TTL: variants seen among roughly 807,000 people sequenced by gnomAD.
TTL encodes tubulin--tyrosine ligase.
Under a neutral mutation model 41.1 loss-of-function variants are expected in TTL, and 10 were observed. That is an observed-to-expected ratio of 0.24 (90% CI 0.15 to 0.41). TTL has a LOEUF of 0.41. Among genes scored for constraint, TTL ranks in the 10% least tolerant of loss-of-function variants. TTL has a pLI of 1.00. For synonymous variants in TTL, 175 were observed against 175.5 expected (o/e 1.00, Z 0.02); for missense variants, 367 against 460.4 (o/e 0.80, Z 1.86).
chr2:112,482,381 G>A lies in TTL; in HGVS notation c.37G>A (p.Val13Ile). Reference protein sequence around the residue: ...TFVVRDENSSVYAEVSRLLLA... With the variant: ...TFVVRDENSSIYAEVSRLLLA... ...CGTGGTACGCGATGAGAACAGCAGC[G>A]TCTACGCCGAGGTCTCCCGGCTGCT... The change falls in exon 1 of 7, where the codon GTC becomes ATC. Residue 13 changes from valine to isoleucine, a missense_variant. Coordinates refer to ENST00000233336, the MANE Select transcript of TTL (RefSeq NM_153712.5). The surrounding 1 kb of genome is among the most constrained non-coding windows in gnomAD (Gnocchi z 5.3). The A allele has an allele frequency of 6.3e-7, 1 of 1,588,116 alleles. No individual in the cohort carries two copies. The highest frequency in any genetic ancestry group is 2.3e-5 in the East Asian group (1 of 43,774).
At chr2:112,524,557 T>C (rs974712024) in intron 6 of TTL, among the ~76,000 whole-genome samples, 6 of 152,224 alleles carry the variant, frequency 3.9e-5, no homozygotes, top group Admixed American at 3.9e-4. Flanking sequence ...GATGAGCATT[T>C]TTTCATGTGT....
intron 5 of TTL, among the ~76,000 whole-genome samples, chr2:112,511,939 G>A (rs1681930204): frequency 6.6e-6 from 1 of 151,674 alleles, no homozygotes; most frequent in African/African-American, 2.4e-5. Flanking sequence ...ATGTTTCCAT[G>A]GTATGTCTCC....
At chr2:112,486,555 A>G (rs989633432) in intron 2 of TTL, among the ~76,000 whole-genome samples, 1 of 152,218 alleles carries the variant, frequency 6.6e-6, no homozygotes, top group African/African-American at 2.4e-5. Context: ...TCCCTCAGAA[A>G]GGATATCTGG....
chr2:112,482,328 G>T lies in TTL; in HGVS notation c.-17G>T. ...CTGCGGCGGCTGCCCGGCGGCCCGG[G>T]CGCGCGGCGCTTCGCCATGTACACC... On this transcript the variant is annotated 5_prime_UTR_variant, in exon 1 of 7. Transcript: ENST00000233336. The surrounding 1 kb of genome is among the most constrained non-coding windows in gnomAD (Gnocchi z 5.3). 1 of 1,489,626 alleles carries T rather than the reference G, an allele frequency of 6.7e-7. No individual in the cohort carries two copies. The highest frequency in any genetic ancestry group is 1.2e-5 in the South Asian group (1 of 80,304). The allele number at this position is 1,489,626 out of a possible 1,614,324, so 92.3% of individuals were successfully genotyped here. A position where few individuals can be genotyped will look rare whatever the true frequency, so the allele number is the denominator to read the frequency against.
chr2:112,528,741 A>G lies in TTL; in HGVS notation c.1080A>G (p.Pro360=), dbSNP rs746798177. 31 of 1,613,880 alleles carry G rather than the reference A, an allele frequency of 1.9e-5. 1 individual carries two copies. The highest frequency in any genetic ancestry group is 5.5e-5 in the South Asian group (5 of 91,078). Residue 360 remains proline, a synonymous_variant, in exon 7 of 7, where the codon CCA becomes CCG. Coordinates refer to ENST00000233336, the MANE Select transcript of TTL (RefSeq NM_153712.5). The part of the protein sequence containing the change: ...IVDIAISSVF[P]PPDVEQPQTQ... ...ACATAGCCATTTCCAGTGTCTTCCC[A>G]CCCCCAGATGTGGAGCAACCTCAGA...
At chr2:112,483,979 A>G (rs992265445) in intron 1 of TTL, 3 of 152,200 alleles carry the variant, frequency 2.0e-5, no homozygotes, top group Non-Finnish European at 4.4e-5. Context: ...TGTTCCTTGC[A>G]TTGTCCACTT....
intron 6 of TTL, among the ~76,000 whole-genome samples, chr2:112,521,976 A>G (rs972149957): frequency 1.3e-5 from 2 of 152,160 alleles, no homozygotes; most frequent in African/African-American, 2.4e-5. Context: ...TGGTGTGCCC[A>G]GTCTCACCCA....
intron 5 of TTL, 151 bp downstream of exon 5, chr2:112,503,332 G>C (rs139091536): frequency 9.8e-6 from 6 of 615,024 alleles, no homozygotes; most frequent in African/African-American, 9.3e-5. Flanking sequence ...ATGTCTGCAG[G>C]TTCTGTAATG....
chr2:112,523,727 C>T (rs1308862681), intron 6 of TTL, among the ~76,000 whole-genome samples: 4 of 151,826 alleles, frequency 2.6e-5, no homozygotes, highest in East Asian at 1.9e-4. Context: ...GCTTTATCTT[C>T]GTGCAAAGGC....
chr2:112,507,597 T>C lies in TTL; in HGVS notation c.875+4416T>C, dbSNP rs1043093015. ...GGCCTTCTTTGTCTCTTTTGATCTT[T>C]GTTGATTTAAAGTCTGTTTTATCAG... On this transcript the variant is annotated intron_variant, in intron 5 of 6. Coordinates refer to ENST00000233336, the MANE Select transcript of TTL (RefSeq NM_153712.5). Among the ~76,000 whole-genome samples the C allele has an allele frequency of 4.7e-4, 56 of 119,506 alleles. 6 individuals are homozygous for C. The East Asian group carries it at 0.013, about 28-fold the overall frequency. The allele number at this position is 119,506 out of a possible 152,430, so 78.4% of individuals were successfully genotyped here.
intron 1 of TTL, among the ~76,000 whole-genome samples, chr2:112,484,492 T>G (rs1254021501): frequency 6.6e-6 from 1 of 152,096 alleles, no homozygotes; most frequent in Non-Finnish European, 1.5e-5. Context: ...CTCGAACTCC[T>G]GACCTCAGGT....
intron 5 of TTL, among the ~76,000 whole-genome samples, chr2:112,512,003 A>G (rs1470438649): frequency 6.6e-6 from 1 of 150,984 alleles, no homozygotes; most frequent in Non-Finnish European, 1.5e-5. Flanking sequence ...ATTCTATTCT[A>G]TACTGTCCCT....
Position 112,499,219 on chromosome 2 carries a change from G to A in TTL, c.470-1987G>A, listed in dbSNP as rs569677276. Among the ~76,000 whole-genome samples the A allele has an allele frequency of 2.0e-5, 3 of 152,268 alleles. No homozygotes were observed. In the South Asian group the frequency reaches 6.2e-4, roughly 32 times the overall value. On this transcript the variant is annotated intron_variant, in intron 3 of 6. Coordinates refer to ENST00000233336, the MANE Select transcript of TTL (RefSeq NM_153712.5). ...ACTTTCAGCTACTCGGGAGGCTGAG[G>A]CATGAGAATTGCTTGAACCAGGGGG... is the stretch of plus-strand genomic sequence containing the variant.
In TTL at chr2:112,532,083, G is replaced by T. The variant is rs1682521453; in HGVS notation, c.*3288G>T. On this transcript the variant is annotated 3_prime_UTR_variant, in exon 7 of 7. Transcript: ENST00000233336. ...GTGTCACTAGCTCTGTGGGATGATTGCCACATACATGGAACACCTGGGAGT... is the reference window on the plus strand; with the variant it reads ...GTGTCACTAGCTCTGTGGGATGATTTCCACATACATGGAACACCTGGGAGT... 1 of 227,180 alleles carries T rather than the reference G, an allele frequency of 4.4e-6. No homozygotes were observed. Among genetic ancestry groups the T allele is most frequent in the Non-Finnish European group, 8.7e-6 (1 of 114,382 alleles). The allele number at this position is 227,180 out of a possible 1,614,324, so 14.1% of individuals were successfully genotyped here.
At chr2:112,493,441 A>G (rs1414999502) in intron 2 of TTL, among the ~76,000 whole-genome samples, 6 of 152,000 alleles carry the variant, frequency 3.9e-5, no homozygotes, top group African/African-American at 1.2e-4. Context: ...TTACTTCTCC[A>G]TGACCCAGTT....
At chr2:112,509,908 A>G (rs952050628) in intron 5 of TTL, among the ~76,000 whole-genome samples, 1 of 152,334 alleles carries the variant, frequency 6.6e-6, no homozygotes, top group African/African-American at 2.4e-5. Flanking sequence ...TGCTGGGATT[A>G]CAGGCGTAAG....
At chr2:112,517,012 A>G (rs958093350) in intron 5 of TTL, among the ~76,000 whole-genome samples, 5 of 151,980 alleles carry the variant, frequency 3.3e-5, no homozygotes, top group African/African-American at 9.7e-5. Context: ...GGTGCTATAA[A>G]TGCTCCCAGC....
intron 2 of TTL, among the ~76,000 whole-genome samples, chr2:112,487,092 C>T (rs10202834): frequency 0.57 from 85,894 of 151,528 alleles, 24,690 homozygotes; most frequent in Middle Eastern, 0.71. Flanking sequence ...GTATTCTTTC[C>T]ATGATGACTG....
At chr2:112,485,718 CTG>C (rs1026675059) in intron 1 of TTL, among the ~76,000 whole-genome samples, 197 bp from the exon 2 acceptor site, 6 of 152,164 alleles carry the variant, frequency 3.9e-5, no homozygotes, top group Admixed American at 3.3e-4. Flanking sequence ...ATAATATCCA[CTG>C]TGGGGAGAAT....
Sources: allele counts gnomAD v4.1 joint callset (sites outside exome capture counted in the v4.1 genomes callset), GRCh38; gene constraint gnomAD v4.1.1; non-coding constraint Gnocchi (gnomAD v3.1); transcripts MANE v1.5; gene names NCBI Gene and HGNC (gene_info 2026-07-23, HGNC 2026-07-21).